USP54: variants seen among roughly 807,000 people sequenced by gnomAD.
USP54 encodes ubiquitin specific peptidase 54.
A neutral mutation model predicts 170.5 loss-of-function variants in USP54; 87 were observed. That is an observed-to-expected ratio of 0.51 (90% CI 0.43 to 0.61). USP54 has a LOEUF of 0.61. USP54 is among the 20% of genes least tolerant of loss of function. The pLI is 0.00. For synonymous variants in USP54, 655 were observed against 742.8 expected (o/e 0.88, Z 1.92); for missense variants, 1,786 against 2,047.8 (o/e 0.87, Z 2.47).
chr10:73,583,667 T>C (rs2077146791), intron 1 of USP54, among the ~76,000 whole-genome samples: 1 of 152,102 alleles, frequency 6.6e-6, no homozygotes, highest in Non-Finnish European at 1.5e-5. Context: ...GAGGACTTTT[T>C]GAGCCTGGAA....
intron 4 of USP54, among the ~76,000 whole-genome samples, chr10:73,547,266 G>A (rs2068045549): frequency 6.6e-6 from 1 of 152,120 alleles, no homozygotes; most frequent in Admixed American, 6.5e-5. Context: ...GCCCAGCATG[G>A]TGGTGCATGC....
chr10:73,569,753 A>G (rs1237228151), intron 4 of USP54, among the ~76,000 whole-genome samples: 1 of 141,410 alleles, frequency 7.1e-6, no homozygotes, highest in Admixed American at 7.1e-5. Flanking sequence ...AATCCGTCTC[A>G]AAAAAAAAAA....
At chr10:73,529,562 A>G (rs776579891) in intron 15 of USP54, 118 bp downstream of exon 15, 39 of 1,115,174 alleles carry the variant, frequency 3.5e-5, no homozygotes, top group Admixed American at 3.4e-4. Context: ...TTGAAAGAGC[A>G]CATAGAGATA....
intron 1 of USP54, 51 bp from the exon 2 acceptor site, chr10:73,576,412 C>T (rs1227671863): frequency 1.3e-5 from 2 of 151,388 alleles, no homozygotes; most frequent in Non-Finnish European, 2.9e-5. Context: ...AATGACTCTA[C>T]TGGCTTTGGA....
rs183112181 is a variant in USP54, at chr10:73,533,473, C to T, written c.1315+1127G>A. Among the ~76,000 whole-genome samples the T allele has an allele frequency of 4.6e-3, 699 of 151,826 alleles. 3 individuals are homozygous for T. The highest frequency in any genetic ancestry group is 0.016 in the African/African-American group (646 of 41,382). ...CTAGACTGGCCATGAGTTATAATTA[C>T]TGAAACTAGGTGATGGGTACATGAA... On this transcript the variant is annotated intron_variant, in intron 12 of 23. Transcript: ENST00000687698.
At chr10:73,606,564 T>C (rs2079646427) in intron 1 of USP54, 1 of 152,238 alleles carries the variant, frequency 6.6e-6, no homozygotes, top group African/African-American at 2.4e-5. Flanking sequence ...ATTCAAGCCT[T>C]ACTAGTGATA....
intron 17 of USP54, among the ~76,000 whole-genome samples, chr10:73,522,383 A>T (rs1023906484): frequency 8.5e-5 from 13 of 152,228 alleles, no homozygotes; most frequent in African/African-American, 2.4e-4. Flanking sequence ...CACTGTACTA[A>T]ATTTTAATTC....
At chr10:73,550,366 G>A (rs1442893690) in intron 4 of USP54, among the ~76,000 whole-genome samples, 3 of 152,060 alleles carry the variant, frequency 2.0e-5, no homozygotes, top group Non-Finnish European at 4.4e-5. Context: ...ATTTCCTGTG[G>A]ATTTTTTATC....
At chr10:73,505,284 C>G in intron 21 of USP54, 24 bp downstream of exon 21, 2 of 1,601,478 alleles carry the variant, frequency 1.2e-6, no homozygotes, top group Middle Eastern at 3.3e-4. Context: ...CCAGGCCCAG[C>G]ACCTTAGCAC....
chr10:73,603,076 G>A (rs573378745), intron 1 of USP54, among the ~76,000 whole-genome samples: 3 of 152,132 alleles, frequency 2.0e-5, no homozygotes, highest in Admixed American at 6.6e-5. Flanking sequence ...GACCTTTGCA[G>A]TATTTTTACT....
chr10:73,518,718 ATTTT>A (rs772422371), intron 19 of USP54: 7 of 130,956 alleles, frequency 5.3e-5, no homozygotes, highest in East Asian at 4.4e-4. Context: ...TAGACCTGCA[ATTTT>A]TTTTTTTTTT....
chr10:73,539,393 C>T (rs762386566), intron 10 of USP54, 51 bp downstream of exon 10: 10 of 1,396,240 alleles, frequency 7.2e-6, no homozygotes, highest in Admixed American at 2.3e-5. Flanking sequence ...AATGATTATT[C>T]TTTTTTTTTG....
chr10:73,542,142 T>C (rs1177617258), intron 7 of USP54, among the ~76,000 whole-genome samples: 1 of 152,216 alleles, frequency 6.6e-6, no homozygotes, highest in Non-Finnish European at 1.5e-5. Flanking sequence ...CTCTGTTACC[T>C]GGCTGGAGTG....
rs2072240787 is a variant in USP54, at chr10:73,559,534, T to C, written c.240+11887A>G. Among the ~76,000 whole-genome samples the C allele has an allele frequency of 2.8e-5, 4 of 144,952 alleles. No individual in the cohort carries two copies. The South Asian group carries it at 8.7e-4, about 32-fold the overall frequency. ...TAGATTGCGCCATTGCACTCCAGCC[T>C]GGGCAATAAGAGCAAAACTCCACCT... On this transcript the variant is annotated intron_variant, in intron 4 of 23. Transcript: ENST00000687698.
chr10:73,564,174 G>C (rs1008427464), intron 4 of USP54, among the ~76,000 whole-genome samples: 1 of 151,868 alleles, frequency 6.6e-6, no homozygotes, highest in Non-Finnish European at 1.5e-5. Context: ...GCTAATTTTT[G>C]ACTTGTTGTA....
chr10:73,575,788 A>G lies in USP54; in HGVS notation c.-18+10T>C. ...AGTGAATTTATTTTGGAAGATTTTGACTTTACCACCTTCCAAATATCATCT... is the reference window on the plus strand; with the variant it reads ...AGTGAATTTATTTTGGAAGATTTTGGCTTTACCACCTTCCAAATATCATCT... On this transcript the variant is annotated intron_variant, in intron 2 of 23. Transcript: ENST00000687698. The G allele has an allele frequency of 8.5e-6, 10 of 1,181,452 alleles. No individual in the cohort carries two copies. The highest frequency in any genetic ancestry group is 1.2e-5 in the Non-Finnish European group (10 of 861,048). The allele number at this position is 1,181,452 out of a possible 1,614,324, so 73.2% of individuals were successfully genotyped here.
At chr10:73,570,337 T>G (rs1218466188) in intron 4 of USP54, among the ~76,000 whole-genome samples, 3 of 152,036 alleles carry the variant, frequency 2.0e-5, no homozygotes, top group Non-Finnish European at 4.4e-5. Context: ...TTAGGCCATT[T>G]TCTTTGCTCT....
chr10:73,622,566 C>A (rs932890704), intron 1 of USP54, among the ~76,000 whole-genome samples: 1 of 152,044 alleles, frequency 6.6e-6, no homozygotes, highest in East Asian at 1.9e-4. Context: ...TCAACTGATC[C>A]GCCCACCTCA....
chr10:73,509,857 A>G (rs2059917697), intron 20 of USP54, among the ~76,000 whole-genome samples: 1 of 152,054 alleles, frequency 6.6e-6, no homozygotes, highest in African/African-American at 2.4e-5. Flanking sequence ...ACCACACACA[A>G]AAATTGGTCG....
Sources: allele counts gnomAD v4.1 joint callset (sites outside exome capture counted in the v4.1 genomes callset), GRCh38; gene constraint gnomAD v4.1.1; transcripts MANE v1.5; gene names NCBI Gene and HGNC (gene_info 2026-07-23, HGNC 2026-07-21).